The following FRMPD3 variants were observed in gnomAD, a reference collection of about 807,000 sequenced individuals.
The protein encoded by FRMPD3 is FERM and PDZ domain containing 3.
FRMPD3 carries 42 observed loss-of-function variants against 97.9 expected under a neutral mutation model. The ratio of observed to expected loss-of-function variants is 0.43; its 90% confidence interval spans 0.34 to 0.55. The LOEUF is 0.55. Ranked by LOEUF, FRMPD3 falls within the 20% of genes least tolerant of loss-of-function variation. FRMPD3 has a pLI of 0.03. For missense variants in FRMPD3, 1,303 were observed against 1,457.7 expected (o/e 0.89, Z 1.73); for synonymous variants, 577 against 581.1 (o/e 0.99, Z 0.10).
chrX:107,520,513 AG>A (rs1922474505), intron 1 of FRMPD3, among the ~76,000 whole-genome samples: 1 of 110,101 alleles, frequency 9.1e-6, no homozygotes, highest in South Asian at 3.9e-4. Context: ...CACAAAAATT[AG>A]CCAGGCATGG....
chrX:107,544,824 G>A (rs1473614279), intron 4 of FRMPD3: 3 of 111,701 alleles, frequency 2.7e-5, no homozygotes, highest in East Asian at 2.8e-4. Flanking sequence ...ATGGTGGCCT[G>A]TAAGCCCAGT....
At chrX:107,485,050 G>T (rs1921468816) in intron 1 of FRMPD3, among the ~76,000 whole-genome samples, 2 of 112,554 alleles carry the variant, frequency 1.8e-5, no homozygotes, top group African/African-American at 6.5e-5. Context: ...CCCAGATTCT[G>T]TTTGTTCTGT....
intron 1 of FRMPD3, among the ~76,000 whole-genome samples, chrX:107,512,763 C>T (rs1293271440): frequency 8.9e-6 from 1 of 112,495 alleles, no homozygotes; most frequent in Non-Finnish European, 1.9e-5. Flanking sequence ...ATGAATATTT[C>T]ATTGCTCCAG....
chrX:107,486,767 C>A (rs1319784802), intron 1 of FRMPD3, among the ~76,000 whole-genome samples: 5 of 111,490 alleles, frequency 4.5e-5, no homozygotes, highest in Non-Finnish European at 9.4e-5. Context: ...ATCTCTATTC[C>A]TTAAGAGGAT....
At chrX:107,478,661 G>GA (rs924534090) in intron 1 of FRMPD3, among the ~76,000 whole-genome samples, 27 of 107,903 alleles carry the variant, frequency 2.5e-4, no homozygotes, top group East Asian at 8.6e-4. Flanking sequence ...TATAAATAAA[G>GA]AAAAAAAAAA....
chrX:107,568,023 T>C (rs959000561), intron 12 of FRMPD3, among the ~76,000 whole-genome samples: 3 of 110,934 alleles, frequency 2.7e-5, no homozygotes, highest in Non-Finnish European at 5.7e-5. Context: ...TGTCTTATTA[T>C]ACCTAGCCCT....
At position 107,517,770 on chromosome X, in the gene FRMPD3, AAAG is replaced by A. The variant is rs376925957; in HGVS notation, c.-7-8809_-7-8807del. ...CAGCGAAACTCTGGGAAAAAAAAAA[AAAG>A]AAAGAAAGAAAAGAAAAGAAAAGAA... On this transcript the variant is annotated intron_variant, in intron 1 of 14. Transcript: ENST00000683843. Among the ~76,000 whole-genome samples, 637 of 101,430 alleles carry A rather than the reference AAAG, an allele frequency of 6.3e-3. 2 individuals are homozygous for A. The highest frequency in any genetic ancestry group is 0.021 in the African/African-American group (560 of 26,878). The allele number at this position is 101,430 out of a possible 115,157, so 88.1% of individuals were successfully genotyped here. A position where few individuals can be genotyped will look rare whatever the true frequency, so the allele number is the denominator to read the frequency against.
Position 107,465,899 on chromosome X carries a change from G to A in FRMPD3, c.-8+15894G>A, listed in dbSNP as rs1267130744. On this transcript the variant is annotated intron_variant, in intron 1 of 14. Transcript: ENST00000683843. ...AAAAAAAAAGAAAAAAAAAATCCGT[G>A]GCTGGCCAAATAAGTTTGAGAAATG... Among the ~76,000 whole-genome samples, 2 of 111,492 alleles carry A rather than the reference G, an allele frequency of 1.8e-5. 1 individual carries two copies. Among genetic ancestry groups the A allele is most frequent in the African/African-American group, 6.5e-5 (2 of 30,629 alleles).
chrX:107,505,912 C>T (rs928914030), intron 1 of FRMPD3, among the ~76,000 whole-genome samples: 2 of 111,524 alleles, frequency 1.8e-5, no homozygotes, highest in African/African-American at 3.3e-5. Context: ...CCCCATGGGA[C>T]GAGGATTCTC....
Position 107,603,631 on chromosome X carries a change from G to C in FRMPD3, c.*258G>C, listed in dbSNP as rs1463847927. 18 of 386,054 alleles carry C rather than the reference G, an allele frequency of 4.7e-5. No homozygotes were observed. Among genetic ancestry groups the C allele is most frequent in the Non-Finnish European group, 6.3e-5 (15 of 237,836 alleles). The allele number at this position is 386,054 out of a possible 1,213,427, so 31.8% of individuals were successfully genotyped here. Reference sequence around the variant, plus strand: ...GAGGGCAAAGGCCCCTCTTCACTCTGCTCACAGCAGAGCTGTATTTTATCT... The same window carrying C: ...GAGGGCAAAGGCCCCTCTTCACTCTCCTCACAGCAGAGCTGTATTTTATCT... On this transcript the variant is annotated 3_prime_UTR_variant, in exon 15 of 15. Transcript: ENST00000683843.
At chrX:107,542,103 C>T (rs1569419297) in intron 4 of FRMPD3, among the ~76,000 whole-genome samples, 1 of 112,448 alleles carries the variant, frequency 8.9e-6, no homozygotes, top group East Asian at 2.8e-4. Context: ...CTTTGGATGA[C>T]TGTGGAGATG....
At chrX:107,523,820 A>C (rs1922591430) in intron 1 of FRMPD3, among the ~76,000 whole-genome samples, 2 of 112,492 alleles carry the variant, frequency 1.8e-5, no homozygotes, top group African/African-American at 6.5e-5. Flanking sequence ...CTCTGGCTCC[A>C]GGAGTGCCCA....
At chrX:107,571,781 G>A (rs1157256579) in intron 12 of FRMPD3, among the ~76,000 whole-genome samples, 1 of 112,360 alleles carries the variant, frequency 8.9e-6, no homozygotes, top group African/African-American at 3.2e-5. Context: ...GCATGAGTGA[G>A]TCAGACTGCC....
intron 13 of FRMPD3, among the ~76,000 whole-genome samples, chrX:107,584,012 G>A (rs747762045): frequency 7.4e-5 from 8 of 108,784 alleles, no homozygotes; most frequent in East Asian, 2.9e-4. Flanking sequence ...AACTACAGGC[G>A]CCTGCCACCA....
intron 14 of FRMPD3, 48 bp downstream of exon 14, chrX:107,598,190 A>T (rs369564980): frequency 7.1e-5 from 75 of 1,055,822 alleles, no homozygotes; most frequent in Non-Finnish European, 8.2e-5. Context: ...CTCTTGTCCA[A>T]CAAGGGCCAG....
intron 2 of FRMPD3, among the ~76,000 whole-genome samples, chrX:107,528,787 T>C (rs1922803023): frequency 8.9e-6 from 1 of 112,772 alleles, no homozygotes; most frequent in Non-Finnish European, 1.9e-5. Context: ...AAGAGTGTTC[T>C]GTTAGCCACC....
At position 107,532,445 on chromosome X, in the gene FRMPD3, A is replaced by G. The variant is rs184129346; in HGVS notation, c.252-1060A>G. Among the ~76,000 whole-genome samples, 8 of 112,514 alleles carry G rather than the reference A, an allele frequency of 7.1e-5. No individual in the cohort carries two copies. The Admixed American group carries it at 7.5e-4, about 11-fold the overall frequency. ...CAGATAATGGAGAACCTTTGAAGCC[A>G]CCATAGGGACTGTGGCTTTGTTATA... is the stretch of plus-strand genomic sequence containing the variant. On this transcript the variant is annotated intron_variant, in intron 3 of 14. Coordinates refer to ENST00000683843, the MANE Select transcript of FRMPD3 (RefSeq NM_001388459.1).
At chrX:107,486,343 A>G (rs938514970) in intron 1 of FRMPD3, among the ~76,000 whole-genome samples, 2 of 112,679 alleles carry the variant, frequency 1.8e-5, no homozygotes, top group African/African-American at 6.4e-5. Context: ...TTCTGACCAC[A>G]AAATATTTTC....
intron 12 of FRMPD3, among the ~76,000 whole-genome samples, chrX:107,568,041 A>G (rs1011919266): frequency 5.3e-4 from 59 of 110,751 alleles, no homozygotes; most frequent in East Asian, 1.4e-3. Flanking sequence ...CCTTCTGCCT[A>G]CTTCATGGGT....
Sources: allele counts gnomAD v4.1 joint callset (sites outside exome capture counted in the v4.1 genomes callset), GRCh38; gene constraint gnomAD v4.1.1; transcripts MANE v1.5; gene names NCBI Gene and HGNC (gene_info 2026-07-23, HGNC 2026-07-21).